Variants in LONRF2 observed in about 807,000 individuals in gnomAD.
LONRF2 encodes the protein LON peptidase N-terminal domain and ring finger 2.
In LONRF2, 35 loss-of-function variants were observed where a neutral mutation model predicts 66.6. The observed-to-expected ratio is 0.53, with a 90% CI of 0.40 to 0.70. The LOEUF is 0.70. Among genes scored for constraint, LONRF2 ranks in the 30% least tolerant of loss-of-function variants. The pLI, the probability that LONRF2 is intolerant of heterozygous loss-of-function variation, is 0.00. For synonymous variants in LONRF2, 417 were observed against 418.1 expected (o/e 1.00, Z 0.03); for missense variants, 902 against 1,002.1 (o/e 0.90, Z 1.35).
intron 1 of LONRF2, among the ~76,000 whole-genome samples, chr2:100,314,134 A>G (rs1675460162): frequency 6.6e-6 from 1 of 152,146 alleles, no homozygotes; most frequent in Non-Finnish European, 1.5e-5. Context: ...AAAAGTAGAA[A>G]TGCCACATCA....
chr2:100,298,819 T>A lies in LONRF2; in HGVS notation c.1476+17A>T, dbSNP rs2105724022. On this transcript the variant is annotated intron_variant, in intron 7 of 11. Coordinates refer to ENST00000393437, the MANE Select transcript of LONRF2 (RefSeq NM_198461.4). The stretch of plus-strand genomic sequence containing the variant: ...TGAGAGGAGGAGCTGTCCCGTCATT[T>A]CCTAAAGTGTACTTACTTCCGAAAG... The A allele has an allele frequency of 6.3e-7, 1 of 1,588,556 alleles. No individual in the cohort carries two copies. The highest frequency in any genetic ancestry group is 1.7e-4 in the Middle Eastern group (1 of 6,000).
In LONRF2 at chr2:100,299,271, C is replaced by A; in HGVS notation, c.1316G>T (p.Gly439Val). The change falls in exon 6 of 12, where the codon GGG becomes GTG. Residue 439 changes from glycine to valine, a missense_variant. By Grantham distance (109) the Gly-to-Val change is moderately radical. Transcript: ENST00000393437. ...SPNSETEESQ[G>V]LSLDVTDFEC... is the part of the protein sequence containing the mutation. ...AAAGTCAGTTACATCAAGCGAGAGC[C>A]CCTGACTTTCTTCTGTCTCAGAGTT... The A allele has an allele frequency of 6.3e-7, 1 of 1,594,484 alleles. No homozygotes were observed. The highest frequency in any genetic ancestry group is 8.6e-7 in the Non-Finnish European group (1 of 1,168,752).
rs542186490 is a variant in LONRF2, at chr2:100,272,181, T to A, written c.*12117A>T. ...CTCTCTTTAGTAACCAACACAAGAT[T>A]GTCCTAAGAAGAAAAAGATGATCAA... On this transcript the variant is annotated 3_prime_UTR_variant, in exon 12 of 12. Coordinates refer to ENST00000393437, the MANE Select transcript of LONRF2 (RefSeq NM_198461.4). Among the ~76,000 whole-genome samples, 1 of 152,216 alleles carries A rather than the reference T, an allele frequency of 6.6e-6. No homozygotes were observed. The highest frequency in any genetic ancestry group is 2.4e-5 in the African/African-American group (1 of 41,458).
intron 3 of LONRF2, among the ~76,000 whole-genome samples, chr2:100,302,541 G>A (rs1246366985): frequency 6.6e-6 from 1 of 152,204 alleles, no homozygotes; most frequent in African/African-American, 2.4e-5. Context: ...TCTGCACTAT[G>A]CTGGTGAACC....
intron 1 of LONRF2, 29 bp downstream of exon 1, chr2:100,321,386 G>A (rs1390493879): frequency 2.8e-6 from 4 of 1,405,272 alleles, no homozygotes; most frequent in Admixed American, 6.7e-5. Flanking sequence ...AGGTGTAGGG[G>A]AGGCGGACCC....
intron 10 of LONRF2, among the ~76,000 whole-genome samples, chr2:100,289,315 A>G (rs1043685511): frequency 8.5e-5 from 13 of 152,124 alleles, no homozygotes; most frequent in African/African-American, 3.1e-4. Context: ...TAAAGTACTT[A>G]TTAGCCGGCC....
intron 2 of LONRF2, among the ~76,000 whole-genome samples, chr2:100,304,968 T>C (rs1325371831): frequency 1.3e-5 from 2 of 152,126 alleles, no homozygotes; most frequent in Non-Finnish European, 2.9e-5. Context: ...TTCTCCCTGA[T>C]GCCTATGAAA....
In LONRF2 at chr2:100,299,225, C is replaced by T. The variant is rs1675129350; in HGVS notation, c.1361+1G>A. The T allele has an allele frequency of 1.3e-6, 2 of 1,577,722 alleles. No individual in the cohort carries two copies. Among genetic ancestry groups the T allele is most frequent in the Non-Finnish European group, 1.7e-6 (2 of 1,160,056 alleles). ...GTTGCACGGATTCTGTACCATCCTA[C>T]CTCATGCAGAGGGCACACTCAAAGT... On this transcript the variant is annotated splice_donor_variant, in intron 6 of 11. Transcript: ENST00000393437. LOFTEE classifies it high-confidence loss of function.
intron 1 of LONRF2, among the ~76,000 whole-genome samples, chr2:100,317,737 G>GTT (rs144090023): frequency 4.7e-5 from 7 of 149,740 alleles, no homozygotes; most frequent in Non-Finnish European, 1.5e-5. Context: ...TTCCAGCTAG[G>GTT]TTTTTTTTTT....
Position 100,312,126 on chromosome 2 carries a change from G to A in LONRF2, c.680-2901C>T, listed in dbSNP as rs572772442. The stretch of plus-strand genomic sequence containing the variant: ...GGAAATTAGTCACTGAAAGCTGTAA[G>A]GACTTTCTTGACCTTAGCGCCTTTT... On this transcript the variant is annotated intron_variant, in intron 1 of 11. Coordinates refer to ENST00000393437, the MANE Select transcript of LONRF2 (RefSeq NM_198461.4). Among the ~76,000 whole-genome samples, 5 of 152,236 alleles carry A rather than the reference G, an allele frequency of 3.3e-5. No homozygotes were observed. The East Asian group carries it at 9.6e-4, about 29-fold the overall frequency.
chr2:100,313,060 C>G (rs1267087243), intron 1 of LONRF2, among the ~76,000 whole-genome samples: 2 of 152,160 alleles, frequency 1.3e-5, no homozygotes, highest in Non-Finnish European at 2.9e-5. Flanking sequence ...AGATGTCTAC[C>G]ACAACTGTGT....
intron 2 of LONRF2, among the ~76,000 whole-genome samples, chr2:100,303,688 T>A (rs1206843807): frequency 3.3e-5 from 5 of 152,204 alleles, no homozygotes; most frequent in African/African-American, 1.2e-4. Context: ...AAATATTATT[T>A]CCCTGTATGT....
In LONRF2 at chr2:100,278,653, G is replaced by C. The variant is rs1263563581; in HGVS notation, c.*5645C>G. The stretch of plus-strand genomic sequence containing the variant: ...GCTGGGACCCACATCAGCACGAGTG[G>C]GGGTCCGCTTAGAAAGGAGACCCCA... On this transcript the variant is annotated 3_prime_UTR_variant, in exon 12 of 12. Coordinates refer to ENST00000393437, the MANE Select transcript of LONRF2 (RefSeq NM_198461.4). The C allele has an allele frequency of 6.6e-6, 1 of 152,034 alleles. No individual in the cohort carries two copies. The highest frequency in any genetic ancestry group is 1.5e-5 in the Non-Finnish European group (1 of 68,014). 9.4% of individuals were successfully genotyped at this position (152,034 alleles called of 1,614,324 possible). A position where few individuals can be genotyped will look rare whatever the true frequency, so the allele number is the denominator to read the frequency against.
Position 100,283,990 on chromosome 2 carries a change from T to C in LONRF2, c.*308A>G, listed in dbSNP as rs1347421357. 9.3e-6 allele frequency: 2 copies of C among 215,496 alleles called. No homozygotes were observed. The highest frequency in any genetic ancestry group is 2.3e-5 in the African/African-American group (1 of 43,902). 13.3% of individuals were successfully genotyped at this position (215,496 alleles called of 1,614,324 possible). A position where few individuals can be genotyped will look rare whatever the true frequency, so the allele number is the denominator to read the frequency against. ...TCTTTCTCGTGAAACCCAAACCACA[T>C]GTAAACCATCTGCAGGGTCCTGTGC... On this transcript the variant is annotated 3_prime_UTR_variant, in exon 12 of 12. Coordinates refer to ENST00000393437, the MANE Select transcript of LONRF2 (RefSeq NM_198461.4).
Position 100,277,764 on chromosome 2 carries a change from C to T in LONRF2, c.*6534G>A, listed in dbSNP as rs1674630051. The T allele has an allele frequency of 6.6e-6, 1 of 152,166 alleles. No individual in the cohort carries two copies. The highest frequency in any genetic ancestry group is 2.1e-4 in the South Asian group (1 of 4,828). The allele number at this position is 152,166 out of a possible 1,614,324, so 9.4% of individuals were successfully genotyped here. On this transcript the variant is annotated 3_prime_UTR_variant, in exon 12 of 12. Coordinates refer to ENST00000393437, the MANE Select transcript of LONRF2 (RefSeq NM_198461.4). ...CTGGATGCCCTGGTCAGCACAGCGC[C>T]CCAGCTTCACATTTATGGCCAACTG...
chr2:100,321,947 C>A lies in LONRF2; in HGVS notation c.147G>T (p.Met49Ile). 1.4e-6 allele frequency: 2 copies of A among 1,451,558 alleles called. No individual in the cohort carries two copies. Among genetic ancestry groups the A allele is most frequent in the Non-Finnish European group, 1.8e-6 (2 of 1,101,700 alleles). The allele number at this position is 1,451,558 out of a possible 1,614,324, so 89.9% of individuals were successfully genotyped here. ...YEMAAELFRS[M>I]LAGLAQPDRG... ...GGTCCGGCTGCGCCAGCCCGGCTAG[C>A]ATGGAGCGAAAGAGCTCGGCTGCCA... Residue 49 changes from methionine to isoleucine, a missense_variant, in exon 1 of 12, where the codon ATG (methionine) becomes ATT (isoleucine). Transcript: ENST00000393437.
chr2:100,294,164 G>A, intron 9 of LONRF2, 65 bp downstream of exon 9: 5 of 1,570,710 alleles, frequency 3.2e-6, no homozygotes, highest in Non-Finnish European at 4.3e-6. Context: ...AAATCATTCT[G>A]CAAGAAAAAT....
chr2:100,295,749 A>C (rs553556186), intron 7 of LONRF2, among the ~76,000 whole-genome samples, 196 bp from the exon 8 acceptor site: 4 of 152,118 alleles, frequency 2.6e-5, no homozygotes, highest in Non-Finnish European at 5.9e-5. Context: ...GGCCAGGAGG[A>C]GGCGTTCACC....
At position 100,321,447 on chromosome 2, in the gene LONRF2, G is replaced by A; in HGVS notation, c.647C>T (p.Ala216Val). The A allele has an allele frequency of 1.3e-6, 2 of 1,492,600 alleles. No individual in the cohort carries two copies. The highest frequency in any genetic ancestry group is 1.8e-6 in the Non-Finnish European group (2 of 1,131,584). 92.5% of individuals were successfully genotyped at this position (1,492,600 alleles called of 1,614,324 possible). A position where few individuals can be genotyped will look rare whatever the true frequency, so the allele number is the denominator to read the frequency against. ...SLQRQQQPEA[A>V]LLRCDQALEL... Reference sequence around the variant, plus strand: ...CAGGGCCTGGTCGCACCTGAGCAGCGCGGCCTCCGGCTGCTGCTGGCGCTG... The same window carrying A: ...CAGGGCCTGGTCGCACCTGAGCAGCACGGCCTCCGGCTGCTGCTGGCGCTG... The change falls in exon 1 of 12, where the codon GCG becomes GTG. Residue 216 changes from alanine (A) to valine (V), a missense_variant. Ala to Val is a moderately conservative substitution (Grantham distance 64). Coordinates refer to ENST00000393437, the MANE Select transcript of LONRF2 (RefSeq NM_198461.4).
Sources: allele counts gnomAD v4.1 joint callset (sites outside exome capture counted in the v4.1 genomes callset), GRCh38; gene constraint gnomAD v4.1.1; transcripts MANE v1.5; gene names NCBI Gene and HGNC (gene_info 2026-07-23, HGNC 2026-07-21).